The following KLHL25 variants were observed in gnomAD, a reference collection of about 807,000 sequenced individuals.
KLHL25 encodes the protein kelch like family member 25.
KLHL25 carries 41 observed loss-of-function variants against 30.0 expected under a neutral mutation model. That is an observed-to-expected ratio of 1.37 (90% CI 1.07 to 1.78). KLHL25 has a LOEUF of 1.78. KLHL25 is among the 40% of genes most tolerant of loss of function. The pLI is 0.00. For synonymous variants in KLHL25, 399 were observed against 355.3 expected (o/e 1.12, Z -1.38); for missense variants, 971 against 824.5 (o/e 1.18, Z -2.18).
chr15:85,765,541 G>A (rs1163325212), intron 2 of KLHL25, among the ~76,000 whole-genome samples: 4 of 150,346 alleles, frequency 2.7e-5, no homozygotes, highest in South Asian at 4.2e-4. Context: ...AAGGAGAATC[G>A]CTTGAACCCA....
At chr15:85,771,381 G>A (rs530857462) in intron 1 of KLHL25, among the ~76,000 whole-genome samples, 2 of 152,302 alleles carry the variant, frequency 1.3e-5, no homozygotes, top group African/African-American at 2.4e-5. Context: ...TAACTCTCCT[G>A]CCGCCTCCCA....
At chr15:85,793,749 G>A (rs1049989610) in intron 1 of KLHL25, among the ~76,000 whole-genome samples, 4 of 152,112 alleles carry the variant, frequency 2.6e-5, no homozygotes, top group African/African-American at 7.2e-5. Context: ...AAATGGTCCA[G>A]ACACCTGGCA....
intron 1 of KLHL25, among the ~76,000 whole-genome samples, chr15:85,771,737 G>A (rs2089676335): frequency 6.6e-6 from 1 of 152,200 alleles, no homozygotes; most frequent in African/African-American, 2.4e-5. Flanking sequence ...CTGGGGGTTG[G>A]GGTGAGAGCA....
chr15:85,769,967 G>A (rs888882218), intron 1 of KLHL25, 147 bp from the exon 2 acceptor site: 9 of 682,968 alleles, frequency 1.3e-5, no homozygotes, highest in East Asian at 1.1e-4. Flanking sequence ...CCGCAACCAC[G>A]TTGCCAAGGA....
intron 1 of KLHL25, chr15:85,771,181 A>C (rs2089668754): frequency 6.3e-6 from 1 of 158,680 alleles, no homozygotes; most frequent in Non-Finnish European, 1.4e-5. Flanking sequence ...TATACAAGAA[A>C]AATAAAGTGA....
chr15:85,766,370 T>C (rs1292666784), intron 2 of KLHL25, among the ~76,000 whole-genome samples: 1 of 152,204 alleles, frequency 6.6e-6, no homozygotes, highest in African/African-American at 2.4e-5. Flanking sequence ...GGCCAAGGGC[T>C]AGTGGCACGC....
chr15:85,788,765 T>C (rs1597282331), intron 1 of KLHL25, among the ~76,000 whole-genome samples: 1 of 152,228 alleles, frequency 6.6e-6, no homozygotes, highest in Admixed American at 6.5e-5. Flanking sequence ...TAAATGTTTG[T>C]TGCATGAACA....
intron 1 of KLHL25, among the ~76,000 whole-genome samples, chr15:85,779,185 CT>C (rs1400023795): frequency 1.3e-5 from 2 of 152,152 alleles, no homozygotes; most frequent in African/African-American, 4.8e-5. Flanking sequence ...TGGGCAGCAC[CT>C]GCCTTTCTGC....
rs1194036521 is a variant in KLHL25 at position 85,768,395 on chromosome 15, C to T, written c.1416G>A (p.Trp472Ter). The change falls in exon 2 of 3, where the codon TGG becomes TGA. Residue 472 changes from tryptophan (W) to a stop codon, truncating the protein, a stop_gained. Coordinates refer to ENST00000337975, the MANE Select transcript of KLHL25 (RefSeq NM_022480.4). LOFTEE classifies it high-confidence loss of function. ...GCTGGGGGCACTCGGCCTTGATCGT[C>T]CACCTGTTCTCCGAGGGGTCATAGC... ...VQCYDPSENR[W>*]TIKAECPQPW... The T allele has an allele frequency of 6.2e-7, 1 of 1,613,600 alleles. No homozygotes were observed. The highest frequency in any genetic ancestry group is 8.5e-7 in the Non-Finnish European group (1 of 1,180,006).
chr15:85,761,992 C>A (rs1184534641), intron 2 of KLHL25: 1 of 152,260 alleles, frequency 6.6e-6, no homozygotes, highest in Non-Finnish European at 1.5e-5. Context: ...ACGGCTGTCC[C>A]CTTTAAGTGG....
intron 1 of KLHL25, among the ~76,000 whole-genome samples, chr15:85,785,481 G>A (rs2089775244): frequency 1.3e-5 from 2 of 152,162 alleles, no homozygotes; most frequent in African/African-American, 4.8e-5. Flanking sequence ...TCAACCTTCT[G>A]GGCAGTCAGA....
At chr15:85,770,978 A>G in intron 1 of KLHL25, 1 of 215,056 alleles carries the variant, frequency 4.6e-6, no homozygotes, top group South Asian at 6.4e-5. Context: ...CAAAACTCAT[A>G]TACCTAGAGA....
At chr15:85,761,851 A>G (rs1034344186) in intron 2 of KLHL25, 1 of 152,266 alleles carries the variant, frequency 6.6e-6, no homozygotes, top group Non-Finnish European at 1.5e-5. Flanking sequence ...CTTTGGTTGT[A>G]TTTAAGCTGT....
chr15:85,762,091 T>G (rs1184609064), intron 2 of KLHL25: 1 of 152,344 alleles, frequency 6.6e-6, no homozygotes, highest in Non-Finnish European at 1.5e-5. Context: ...GTGCTCAAGT[T>G]GTTTCCAGAT....
chr15:85,789,811 C>A lies in KLHL25; in HGVS notation c.-11+4955G>T, dbSNP rs2089804485. 1.3e-5 allele frequency among the ~76,000 whole-genome samples: 2 copies of A among 152,220 alleles called. No individual in the cohort carries two copies. The highest frequency in any genetic ancestry group is 4.8e-5 in the African/African-American group (2 of 41,440). ...CCCCTAAGCCCAGCCTGGTGCTCCC[C>A]TGATGCAGTCTTCTGTCTCCACCAG... On this transcript the variant is annotated intron_variant, in intron 1 of 2. Transcript: ENST00000337975. This position sits in a 1 kb window ranked among gnomAD's most constrained non-coding sequence, Gnocchi z 4.1.
intron 2 of KLHL25, among the ~76,000 whole-genome samples, chr15:85,766,961 TTTAGACA>T (rs2089629419): frequency 6.6e-6 from 1 of 152,126 alleles, no homozygotes; most frequent in Non-Finnish European, 1.5e-5. Flanking sequence ...GACTCCACCA[TTTAGACA>T]TGGATGTCAT....
chr15:85,787,177 T>C (rs959009178), intron 1 of KLHL25, among the ~76,000 whole-genome samples: 2 of 130,426 alleles, frequency 1.5e-5, no homozygotes, highest in African/African-American at 5.8e-5. Context: ...CTGGGCGCAG[T>C]GGCTCACGCC....
At chr15:85,787,963 G>A (rs1409692535) in intron 1 of KLHL25, among the ~76,000 whole-genome samples, 1 of 150,870 alleles carries the variant, frequency 6.6e-6, no homozygotes, top group Non-Finnish European at 1.5e-5. Context: ...TTGGGAGGCT[G>A]AGGCAGGAGA....
chr15:85,788,116 CAAT>C lies in KLHL25; in HGVS notation c.-11+6647_-11+6649del, dbSNP rs551499364. Among the ~76,000 whole-genome samples the C allele has an allele frequency of 3.4e-3, 400 of 118,462 alleles. 2 individuals are homozygous for C. Among genetic ancestry groups the C allele is most frequent in the Admixed American group, 8.0e-3 (99 of 12,402 alleles). The allele number at this position is 118,462 out of a possible 152,430, so 77.7% of individuals were successfully genotyped here. ...ATATATTATTTAAATCAGAGAAAAA[CAAT>C]AAAATGAAAGAGAACAATGTTATCC... On this transcript the variant is annotated intron_variant, in intron 1 of 2. Transcript: ENST00000337975.
Sources: gnomAD v4.1 joint callset for allele counts (sites outside exome capture counted in the v4.1 genomes callset) on GRCh38, gnomAD v4.1.1 for gene constraint, Gnocchi (gnomAD v3.1) non-coding constraint, MANE v1.5 for transcripts, NCBI Gene and HGNC (gene_info 2026-07-23, HGNC 2026-07-21) for gene names.